Variants in CADM2 observed in about 807,000 individuals in gnomAD.
The protein encoded by CADM2 is immunoglobulin superfamily member 4D.
CADM2 carries 12 observed loss-of-function variants against 49.8 expected under a neutral mutation model. The ratio of observed to expected loss-of-function variants is 0.24; its 90% CI spans 0.15 to 0.39. The LOEUF is 0.39. CADM2 is among the 10% of genes least tolerant of loss of function. The pLI, the probability that CADM2 is intolerant of heterozygous loss-of-function variation, is 1.00. For missense variants in CADM2, 378 were observed against 492.3 expected (o/e 0.77, Z 2.20); for synonymous variants, 214 against 175.4 (o/e 1.22, Z -1.74).
intron 1 of CADM2, among the ~76,000 whole-genome samples, chr3:84,962,552 T>C (rs2030636359): frequency 1.3e-5 from 2 of 152,176 alleles, no homozygotes; most frequent in African/African-American, 4.8e-5. Context: ...TTTCTGGACA[T>C]AGATTAAATA....
chr3:84,963,784 C>T (rs369612976), intron 1 of CADM2, among the ~76,000 whole-genome samples: 4 of 152,140 alleles, frequency 2.6e-5, no homozygotes, highest in Non-Finnish European at 2.9e-5. Context: ...GAAATACTTA[C>T]GCTTCCTAAA....
intron 1 of CADM2, among the ~76,000 whole-genome samples, chr3:85,170,924 A>G (rs528440842): frequency 1.2e-4 from 19 of 152,234 alleles, no homozygotes; most frequent in African/African-American, 4.3e-4. Flanking sequence ...AACAATCACC[A>G]TTTTACTCAA....
At chr3:85,795,901 A>G (rs918164263) in intron 2 of CADM2, among the ~76,000 whole-genome samples, 2 of 152,188 alleles carry the variant, frequency 1.3e-5, no homozygotes, top group Non-Finnish European at 2.9e-5. Context: ...AACTTTCAGA[A>G]CAAACTCCAA....
intron 5 of CADM2, among the ~76,000 whole-genome samples, chr3:85,900,162 A>C (rs954123373): frequency 1.3e-5 from 2 of 152,096 alleles, no homozygotes; most frequent in African/African-American, 4.8e-5. Flanking sequence ...TATGATGTTC[A>C]ATTGTTTTAA....
chr3:85,772,064 T>A, intron 2 of CADM2, among the ~76,000 whole-genome samples: 1 of 149,274 alleles, frequency 6.7e-6, no homozygotes, highest in Non-Finnish European at 1.5e-5. Flanking sequence ...AAAGAATCTG[T>A]GCACCTCTGA....
chr3:85,364,872 C>T (rs1451133132), intron 1 of CADM2, among the ~76,000 whole-genome samples: 1 of 21,154 alleles, frequency 4.7e-5, no homozygotes, highest in Non-Finnish European at 4.5e-3. Flanking sequence ...GTTCCTACAA[C>T]AACAACAACA....
chr3:86,018,953 A>G (rs1168062784), intron 8 of CADM2, among the ~76,000 whole-genome samples: 1 of 145,508 alleles, frequency 6.9e-6, no homozygotes, highest in African/African-American at 2.6e-5. Context: ...GTCCTTGCCC[A>G]TGCCTATGTC....
At chr3:86,059,898 C>A (rs1738413065) in intron 8 of CADM2, among the ~76,000 whole-genome samples, 1 of 151,928 alleles carries the variant, frequency 6.6e-6, no homozygotes, top group Non-Finnish European at 1.5e-5. Context: ...AAAAGCATAG[C>A]CAAAAATATT....
intron 1 of CADM2, among the ~76,000 whole-genome samples, chr3:85,098,150 A>G (rs1372391921): frequency 6.6e-6 from 1 of 152,110 alleles, no homozygotes; most frequent in Admixed American, 6.6e-5. Flanking sequence ...TCTGTAGTGC[A>G]TTCTGGCATA....
chr3:85,912,762 G>A (rs577958419), intron 6 of CADM2, among the ~76,000 whole-genome samples: 4 of 152,146 alleles, frequency 2.6e-5, no homozygotes, highest in Non-Finnish European at 5.9e-5. Context: ...GGAGATGTAC[G>A]AGGTTAATAC....
chr3:85,140,462 G>C (rs1348988318), intron 1 of CADM2, among the ~76,000 whole-genome samples: 1 of 152,112 alleles, frequency 6.6e-6, no homozygotes, highest in Non-Finnish European at 1.5e-5. Flanking sequence ...ATGTACATTG[G>C]TAGTATATCT....
At chr3:85,255,090 A>T (rs2042855832) in intron 1 of CADM2, among the ~76,000 whole-genome samples, 1 of 152,138 alleles carries the variant, frequency 6.6e-6, no homozygotes, top group Non-Finnish European at 1.5e-5. Flanking sequence ...TTTGCATAAT[A>T]ACCACAGCCA....
At chr3:85,608,260 T>A (rs1026618583) in intron 1 of CADM2, among the ~76,000 whole-genome samples, 1 of 152,140 alleles carries the variant, frequency 6.6e-6, no homozygotes, top group Non-Finnish European at 1.5e-5. Flanking sequence ...AAGTATTATA[T>A]TTTCAACTAA....
chr3:85,207,900 C>G (rs888141029), intron 1 of CADM2, among the ~76,000 whole-genome samples: 1 of 151,996 alleles, frequency 6.6e-6, no homozygotes, highest in African/African-American at 2.4e-5. Context: ...TTTCCTTTCT[C>G]CTTTGTTTTG....
intron 1 of CADM2, among the ~76,000 whole-genome samples, chr3:85,672,128 G>A (rs1384866965): frequency 1.3e-5 from 2 of 150,522 alleles, no homozygotes; most frequent in African/African-American, 4.9e-5. Flanking sequence ...TCAAACATAA[G>A]TCAAGAAAGA....
chr3:85,081,792 T>C (rs1454305066), intron 1 of CADM2, among the ~76,000 whole-genome samples: 5 of 152,176 alleles, frequency 3.3e-5, no homozygotes, highest in Middle Eastern at 3.4e-3. Context: ...TACAAAAGAG[T>C]AAATACCATT....
chr3:85,236,106 T>G (rs531331304), intron 1 of CADM2, among the ~76,000 whole-genome samples: 1 of 152,182 alleles, frequency 6.6e-6, no homozygotes, highest in East Asian at 1.9e-4. Context: ...AGGACACTGT[T>G]GGACAGGCCA....
At chr3:85,196,987 T>C (rs2041359915) in intron 1 of CADM2, among the ~76,000 whole-genome samples, 1 of 152,084 alleles carries the variant, frequency 6.6e-6, no homozygotes, top group South Asian at 2.1e-4. Flanking sequence ...TTTGTGAATT[T>C]TATTATAGAA....
chr3:85,019,267 G>C (rs1166677813), intron 1 of CADM2, among the ~76,000 whole-genome samples: 1 of 152,134 alleles, frequency 6.6e-6, no homozygotes, highest in African/African-American at 2.4e-5. Context: ...AGGATTGCTT[G>C]AGCCCAGAAG....
Sources: allele counts gnomAD v4.1 joint callset (sites outside exome capture counted in the v4.1 genomes callset), GRCh38; gene constraint gnomAD v4.1.1; transcripts MANE v1.5; gene names NCBI Gene and HGNC (gene_info 2026-07-23, HGNC 2026-07-21).